CSMD1: variants seen among roughly 807,000 people sequenced by gnomAD.
CSMD1 encodes CUB and sushi domain-containing protein 1.
A neutral mutation model predicts 417.5 loss-of-function variants in CSMD1; 213 were observed. The ratio of observed to expected loss-of-function variants is 0.51; its 90% CI spans 0.46 to 0.57. The LOEUF is 0.57. Ranked by LOEUF, CSMD1 falls within the 20% of genes least tolerant of loss-of-function variation. CSMD1 has a pLI of 0.00. For synonymous variants in CSMD1, 2,862 were observed against 1,736.8 expected (o/e 1.65, Z -16.11); for missense variants, 6,923 against 4,529.7 (o/e 1.53, Z -15.17).
At chr8:4,291,765 T>G (rs923698935) in intron 3 of CSMD1, among the ~76,000 whole-genome samples, 5 of 152,236 alleles carry the variant, frequency 3.3e-5, no homozygotes, top group Non-Finnish European at 7.3e-5. Context: ...TTAGGCTAAC[T>G]AGCTACTTTT....
chr8:4,281,504 G>T (rs1341502903), intron 3 of CSMD1, among the ~76,000 whole-genome samples: 1 of 152,158 alleles, frequency 6.6e-6, no homozygotes, highest in South Asian at 2.1e-4. Flanking sequence ...AAGTTTTACT[G>T]AAATATCTTA....
At chr8:3,293,704 T>G (rs1405853252) in intron 25 of CSMD1, among the ~76,000 whole-genome samples, 1 of 152,162 alleles carries the variant, frequency 6.6e-6, no homozygotes, top group African/African-American at 2.4e-5. Context: ...TTCTGTGCAT[T>G]GGTTATTCTA....
At chr8:4,017,749 C>G (rs933451720) in intron 4 of CSMD1, among the ~76,000 whole-genome samples, 1 of 152,092 alleles carries the variant, frequency 6.6e-6, no homozygotes, top group Non-Finnish European at 1.5e-5. Flanking sequence ...GGTACAAATG[C>G]TGAAACTTCC....
chr8:3,070,650 T>C (rs1813270353), intron 49 of CSMD1, among the ~76,000 whole-genome samples: 1 of 152,222 alleles, frequency 6.6e-6, no homozygotes, highest in African/African-American at 2.4e-5. Context: ...CTGGTCTTCA[T>C]TGTTTATATC....
intron 57 of CSMD1, among the ~76,000 whole-genome samples, chr8:2,971,159 C>G (rs1804422595): frequency 1.3e-5 from 2 of 152,140 alleles, no homozygotes; most frequent in African/African-American, 4.8e-5. Flanking sequence ...GCAATGTTGT[C>G]TCATACACAC....
chr8:4,316,983 G>T (rs1010444709), intron 3 of CSMD1, among the ~76,000 whole-genome samples: 1 of 151,942 alleles, frequency 6.6e-6, no homozygotes, highest in East Asian at 1.9e-4. Context: ...AAATACAATC[G>T]ACTCTTATTG....
At chr8:4,757,008 T>C (rs1811707711) in intron 1 of CSMD1, among the ~76,000 whole-genome samples, 1 of 152,122 alleles carries the variant, frequency 6.6e-6, no homozygotes, top group Non-Finnish European at 1.5e-5. Context: ...ATTTAGATTT[T>C]ATTAGTAGAC....
At chr8:3,606,269 G>A (rs748104965) in intron 8 of CSMD1, among the ~76,000 whole-genome samples, 2 of 152,048 alleles carry the variant, frequency 1.3e-5, no homozygotes, top group South Asian at 2.1e-4. Context: ...TGGTGGTTGT[G>A]CGAACATCAC....
At chr8:3,662,067 G>C (rs977020844) in intron 7 of CSMD1, among the ~76,000 whole-genome samples, 4 of 152,182 alleles carry the variant, frequency 2.6e-5, no homozygotes, top group Non-Finnish European at 4.4e-5. Context: ...CTGCTCAGTA[G>C]TTGTGTAGAA....
intron 1 of CSMD1, among the ~76,000 whole-genome samples, chr8:4,810,289 C>A (rs1195360845): frequency 6.6e-6 from 1 of 152,124 alleles, no homozygotes; most frequent in Non-Finnish European, 1.5e-5. Context: ...AATTGATTTT[C>A]TCATAGTCAA....
chr8:4,075,424 T>G (rs1291293954), intron 3 of CSMD1, among the ~76,000 whole-genome samples: 1 of 152,144 alleles, frequency 6.6e-6, no homozygotes, highest in Non-Finnish European at 1.5e-5. Context: ...CAAAATAAAT[T>G]TTATATCTGC....
In CSMD1 at chr8:4,490,558, T is replaced by A. The variant is rs565574448; in HGVS notation, c.303-70493A>T. ...TGAACTGTCATAGATGCTAAGGATA[T>A]GAGATGCAGAATTCTTCTCATCAAG... On this transcript the variant is annotated intron_variant, in intron 2 of 69. Coordinates refer to ENST00000635120, the MANE Select transcript of CSMD1 (RefSeq NM_033225.6). Among the ~76,000 whole-genome samples the A allele has an allele frequency of 2.0e-5, 3 of 152,294 alleles. No homozygotes were observed. In the South Asian group the frequency reaches 6.2e-4, roughly 32 times the overall value.
intron 1 of CSMD1, among the ~76,000 whole-genome samples, chr8:4,970,184 AACTTG>A (rs1215676468): frequency 5.9e-5 from 9 of 151,836 alleles, no homozygotes; most frequent in African/African-American, 9.7e-5. Context: ...GTAGAGGGAG[AACTTG>A]ACTTCAGACT....
At chr8:4,977,673 T>A (rs557822861) in intron 1 of CSMD1, among the ~76,000 whole-genome samples, 2 of 152,312 alleles carry the variant, frequency 1.3e-5, no homozygotes, top group South Asian at 4.1e-4. Context: ...CTAGTTGACA[T>A]AATTGTTAAG....
At position 3,795,047 on chromosome 8, in the gene CSMD1, C is replaced by G. The variant is rs987009507; in HGVS notation, c.819-41005G>C. Among the ~76,000 whole-genome samples the G allele has an allele frequency of 3.3e-5, 5 of 150,216 alleles. No individual in the cohort carries two copies. In the Admixed American group the frequency reaches 3.3e-4, roughly 10 times the overall value. On this transcript the variant is annotated intron_variant, in intron 5 of 69. Coordinates refer to ENST00000635120, the MANE Select transcript of CSMD1 (RefSeq NM_033225.6). ...TATATAGCTATAGATACATATCTAT[C>G]ATGTATAGCTATAGATATATATCTA...
chr8:3,582,803 A>G (rs1315520488), intron 9 of CSMD1, among the ~76,000 whole-genome samples: 1 of 152,208 alleles, frequency 6.6e-6, no homozygotes, highest in Non-Finnish European at 1.5e-5. Flanking sequence ...TTACAATTAA[A>G]TTCACCTGTT....
rs1802957390 is a variant in CSMD1, at chr8:2,955,766, G to A, written c.9817C>T (p.His3273Tyr). ...WSGIQTECIP[H>Y]ACRQPETPAH... ...GGGGTTTCTGGCTGTCTGCAGGCAT[G>A]AGCTGAAACAACATTAGGAAACATT... The change falls in exon 64 of 70, where the codon CAT (histidine) becomes TAT (tyrosine). Residue 3273 changes from histidine (H) to tyrosine (Y), a missense_variant and splice_region_variant. Coordinates refer to ENST00000635120, the MANE Select transcript of CSMD1 (RefSeq NM_033225.6). The A allele has an allele frequency of 6.2e-7, 1 of 1,613,280 alleles. No individual in the cohort carries two copies. Among genetic ancestry groups the A allele is most frequent in the East Asian group, 2.2e-5 (1 of 44,854 alleles).
intron 5 of CSMD1, among the ~76,000 whole-genome samples, chr8:3,796,400 G>A (rs111216027): frequency 1.4e-5 from 1 of 72,204 alleles, no homozygotes; most frequent in East Asian, 3.8e-4. Context: ...ATCATGTATA[G>A]ATATAGATAT....
At chr8:3,276,821 A>G (rs1034193084) in intron 26 of CSMD1, among the ~76,000 whole-genome samples, 23 of 152,156 alleles carry the variant, frequency 1.5e-4, no homozygotes, top group African/African-American at 5.6e-4. Flanking sequence ...ATTTTCACGC[A>G]TATCTAATTA....
Sources: allele counts gnomAD v4.1 joint callset (sites outside exome capture counted in the v4.1 genomes callset), GRCh38; gene constraint gnomAD v4.1.1; transcripts MANE v1.5; gene names NCBI Gene and HGNC (gene_info 2026-07-23, HGNC 2026-07-21).